The following FNDC3B variants were observed in gnomAD, a reference collection of about 807,000 sequenced individuals.
The protein encoded by FNDC3B is fibronectin type III domain-containing protein 3B.
In FNDC3B, 12 loss-of-function variants were observed where a neutral mutation model predicts 151.5. The observed-to-expected ratio is 0.08, with a 90% CI of 0.05 to 0.13. The LOEUF (loss-of-function observed/expected upper bound fraction) is 0.13, where lower values mean the gene tolerates loss of function less well. Among genes scored for constraint, FNDC3B ranks in the 10% least tolerant of loss-of-function variants. The pLI is 1.00. For synonymous variants in FNDC3B, 528 were observed against 549.0 expected, an observed-to-expected ratio of 0.96 and a Z score of 0.54; for missense variants, 1,214 against 1,505.3, an observed-to-expected ratio of 0.81 and a Z score of 3.20.
intron 3 of FNDC3B, among the ~76,000 whole-genome samples, chr3:172,188,444 T>C (rs984710775): frequency 1.3e-5 from 2 of 151,940 alleles, no homozygotes; most frequent in African/African-American, 2.4e-5. Flanking sequence ...TCTTGCTCTG[T>C]CGCCAGGCTG....
intron 2 of FNDC3B, among the ~76,000 whole-genome samples, chr3:172,126,755 G>C (rs1462540850): frequency 6.6e-6 from 1 of 152,182 alleles, no homozygotes; most frequent in East Asian, 1.9e-4. Flanking sequence ...GAGCCGGAGA[G>C]GGTCCTTTCC....
intron 6 of FNDC3B, among the ~76,000 whole-genome samples, chr3:172,269,520 T>A (rs1729087163): frequency 6.6e-6 from 1 of 152,102 alleles, no homozygotes; most frequent in Non-Finnish European, 1.5e-5. Flanking sequence ...TCCCCTTGTC[T>A]TGGCCTCCCA....
chr3:172,104,678 G>A (rs1719554419), intron 1 of FNDC3B, among the ~76,000 whole-genome samples: 1 of 152,112 alleles, frequency 6.6e-6, no homozygotes, highest in South Asian at 2.1e-4. Flanking sequence ...CCAAGGCATT[G>A]GTGTAGTGTT....
chr3:172,063,703 TAG>T (rs1448610076), intron 1 of FNDC3B, among the ~76,000 whole-genome samples: 1 of 152,112 alleles, frequency 6.6e-6, no homozygotes, highest in Non-Finnish European at 1.5e-5. Flanking sequence ...CTGAAAAAAA[TAG>T]AGTCTCTAAC....
intron 22 of FNDC3B, among the ~76,000 whole-genome samples, chr3:172,357,984 A>T (rs115807120): frequency 0.019 from 2,892 of 152,296 alleles, 100 homozygotes; most frequent in African/African-American, 0.066. Context: ...CAGACGGTCA[A>T]TGTTGAACTG....
rs150702563 is a variant in FNDC3B, at chr3:172,386,384, A to C, written c.3303+5291A>C. Reference sequence around the variant, plus strand: ...GATCAACAAATTGTGAGAAATTATTACCTATTGGCAGTCAAAATTTATGAA... The same window carrying C: ...GATCAACAAATTGTGAGAAATTATTCCCTATTGGCAGTCAAAATTTATGAA... On this transcript the variant is annotated intron_variant, in intron 25 of 25. Transcript: ENST00000415807. Among the ~76,000 whole-genome samples the C allele has an allele frequency of 7.2e-5, 11 of 152,344 alleles. No individual in the cohort carries two copies. In the East Asian group the frequency reaches 2.1e-3, roughly 29 times the overall value.
At position 172,067,672 on chromosome 3, in the gene FNDC3B, C is replaced by A. The variant is rs1560391667; in HGVS notation, c.-29+27901C>A. On this transcript the variant is annotated intron_variant, in intron 1 of 25. Transcript: ENST00000415807. ...AGTCTTTGCACCTGGATCAGTGGAG[C>A]AAAATGTCATCACACTTGAAAAAAA... Among the ~76,000 whole-genome samples, 3 of 151,226 alleles carry A rather than the reference C, an allele frequency of 2.0e-5. No homozygotes were observed. The South Asian group carries it at 6.2e-4, about 31-fold the overall frequency.
chr3:172,086,771 G>A (rs371309982), intron 1 of FNDC3B, among the ~76,000 whole-genome samples: 4 of 152,298 alleles, frequency 2.6e-5, no homozygotes, highest in South Asian at 2.1e-4. Flanking sequence ...AAAAACGTTC[G>A]GCCTTGGGGA....
chr3:172,053,401 G>C (rs1320901872), intron 1 of FNDC3B, among the ~76,000 whole-genome samples: 1 of 152,166 alleles, frequency 6.6e-6, no homozygotes, highest in Non-Finnish European at 1.5e-5. Flanking sequence ...CAGTGTCTGT[G>C]TTCCCAGGTG....
At chr3:172,386,740 CAAAAAAAGAAA>C (rs1386827127) in intron 25 of FNDC3B, among the ~76,000 whole-genome samples, 8 of 53,018 alleles carry the variant, frequency 1.5e-4, no homozygotes, top group Admixed American at 3.9e-4. Context: ...GACTCTGTCT[CAAAAAAAGAAA>C]AAAAAAAGAA....
At chr3:172,155,508 T>C (rs1722435996) in intron 3 of FNDC3B, among the ~76,000 whole-genome samples, 1 of 152,238 alleles carries the variant, frequency 6.6e-6, no homozygotes, top group African/African-American at 2.4e-5. Flanking sequence ...CTGACTTTCC[T>C]GCATAGCCTC....
intron 1 of FNDC3B, among the ~76,000 whole-genome samples, chr3:172,110,029 C>T (rs533570807): frequency 6.6e-6 from 1 of 152,278 alleles, no homozygotes; most frequent in East Asian, 1.9e-4. Flanking sequence ...AGTTAATGCC[C>T]TGCTTAGGAC....
At chr3:172,246,443 T>G (rs1727780811) in intron 4 of FNDC3B, among the ~76,000 whole-genome samples, 1 of 152,256 alleles carries the variant, frequency 6.6e-6, no homozygotes, top group Non-Finnish European at 1.5e-5. Context: ...ACTTTACCTT[T>G]TCATCATGGT....
At chr3:172,099,890 G>A (rs868471063) in intron 1 of FNDC3B, among the ~76,000 whole-genome samples, 2 of 152,170 alleles carry the variant, frequency 1.3e-5, no homozygotes, top group South Asian at 4.1e-4. Context: ...ACTTGCTTGT[G>A]TGGAGCAACA....
intron 6 of FNDC3B, among the ~76,000 whole-genome samples, chr3:172,273,956 T>C (rs17521080): frequency 0.06 from 9,204 of 152,258 alleles, 356 homozygotes; most frequent in Non-Finnish European, 0.075. Flanking sequence ...GGAACCGGTG[T>C]GTGCTTCTTC....
In FNDC3B at chr3:172,194,847, T is replaced by C. The variant is rs1724743035; in HGVS notation, c.188-32024T>C. Among the ~76,000 whole-genome samples the C allele has an allele frequency of 2.0e-5, 3 of 152,216 alleles. No homozygotes were observed. In the South Asian group the frequency reaches 6.2e-4, roughly 32 times the overall value. ...GGTGGGTAACCTAATTCTAATACCATGGTGAATGGTTACTGTGACTACCCT... is the reference window on the plus strand; with the variant it reads ...GGTGGGTAACCTAATTCTAATACCACGGTGAATGGTTACTGTGACTACCCT... On this transcript the variant is annotated intron_variant, in intron 3 of 25. Transcript: ENST00000415807.
chr3:172,248,594 CATTT>C lies in FNDC3B; in HGVS notation c.508+822_508+825del, dbSNP rs1487782257. Among the ~76,000 whole-genome samples the C allele has an allele frequency of 2.6e-5, 4 of 151,752 alleles. No homozygotes were observed. The East Asian group carries it at 7.7e-4, about 29-fold the overall frequency. ...AATGGAAGCATTTTACTGCTTCAGA[CATTT>C]ATTATGTTGGTTTAGATACATTGTA... is the stretch of plus-strand genomic sequence containing the variant. On this transcript the variant is annotated intron_variant, in intron 5 of 25. Coordinates refer to ENST00000415807, the MANE Select transcript of FNDC3B (RefSeq NM_022763.4).
chr3:172,095,853 A>G (rs1485646201), intron 1 of FNDC3B, among the ~76,000 whole-genome samples: 1 of 152,194 alleles, frequency 6.6e-6, no homozygotes, highest in Non-Finnish European at 1.5e-5. Flanking sequence ...CACAGCGTGC[A>G]CTTCCTTGTT....
At chr3:172,216,300 T>C (rs1232500201) in intron 3 of FNDC3B, among the ~76,000 whole-genome samples, 1 of 152,172 alleles carries the variant, frequency 6.6e-6, no homozygotes, top group Admixed American at 6.5e-5. Flanking sequence ...AGCCTATCTT[T>C]GGATTACCTG....
Sources: gnomAD v4.1 joint callset for allele counts (sites outside exome capture counted in the v4.1 genomes callset) on GRCh38, gnomAD v4.1.1 for gene constraint, MANE v1.5 for transcripts, NCBI Gene and HGNC (gene_info 2026-07-23, HGNC 2026-07-21) for gene names.